Variants in CNTNAP2 observed in about 807,000 individuals in gnomAD.
The protein encoded by CNTNAP2 is contactin-associated protein-like 2.
Under a neutral mutation model 155.2 loss-of-function variants are expected in CNTNAP2, and 98 were observed. That is an observed-to-expected ratio of 0.63 (90% confidence interval 0.54 to 0.75). The LOEUF (loss-of-function observed/expected upper bound fraction) is 0.75. Ranked by LOEUF, CNTNAP2 falls within the 30% of genes least tolerant of loss-of-function variation. The pLI, the probability that CNTNAP2 is intolerant of heterozygous loss-of-function variation, is 0.00. For synonymous variants in CNTNAP2, 651 were observed against 631.2 expected (o/e 1.03, Z -0.47); for missense variants, 1,727 against 1,688.1 (o/e 1.02, Z -0.40).
chr7:148,347,669 C>CAT (rs1384420136), intron 21 of CNTNAP2, among the ~76,000 whole-genome samples: 2 of 152,174 alleles, frequency 1.3e-5, no homozygotes, highest in African/African-American at 4.8e-5. Context: ...TTACAAAACA[C>CAT]ATATCAGAAA....
chr7:147,616,507 A>G (rs757187823), intron 12 of CNTNAP2, among the ~76,000 whole-genome samples: 4 of 152,140 alleles, frequency 2.6e-5, no homozygotes, highest in Non-Finnish European at 4.4e-5. Context: ...TATTCTGGCA[A>G]AATAATCTGC....
intron 11 of CNTNAP2, chr7:147,496,928 A>G (rs553770689): frequency 6.6e-6 from 1 of 152,026 alleles, no homozygotes; most frequent in Non-Finnish European, 1.5e-5. Flanking sequence ...AAATATAAAG[A>G]TTGTTGTAAT....
At chr7:147,109,094 T>G (rs779086264) in intron 5 of CNTNAP2, among the ~76,000 whole-genome samples, 1 of 152,238 alleles carries the variant, frequency 6.6e-6, no homozygotes, top group Admixed American at 6.5e-5. Context: ...TTAAACTGTA[T>G]GGCTTTATCA....
At chr7:147,870,900 A>C (rs1401100414) in intron 13 of CNTNAP2, among the ~76,000 whole-genome samples, 1 of 152,038 alleles carries the variant, frequency 6.6e-6, no homozygotes, top group African/African-American at 2.4e-5. Context: ...GGATCCTTTC[A>C]GAGTCCCTCC....
intron 1 of CNTNAP2, among the ~76,000 whole-genome samples, chr7:146,759,740 G>A (rs917505244): frequency 1.4e-5 from 2 of 147,770 alleles, no homozygotes; most frequent in African/African-American, 5.0e-5. Flanking sequence ...GGGTGTGAGA[G>A]CAAGGTCCCT....
At chr7:146,507,068 A>C (rs1797394894) in intron 1 of CNTNAP2, among the ~76,000 whole-genome samples, 1 of 152,140 alleles carries the variant, frequency 6.6e-6, no homozygotes, top group Non-Finnish European at 1.5e-5. Context: ...TAGGAGCCCC[A>C]CTTTGCTAAG....
chr7:147,538,197 G>A (rs1406780278), intron 11 of CNTNAP2, among the ~76,000 whole-genome samples: 16 of 152,150 alleles, frequency 1.1e-4, no homozygotes, highest in Non-Finnish European at 2.4e-4. Flanking sequence ...AAAAAATCAA[G>A]CAATCTTTTA....
chr7:147,692,933 AT>A (rs1306475155), intron 13 of CNTNAP2, among the ~76,000 whole-genome samples: 2 of 151,884 alleles, frequency 1.3e-5, no homozygotes, highest in Admixed American at 6.6e-5. Flanking sequence ...GGTCGTCTAG[AT>A]TTTCTCCCTT....
chr7:147,907,398 C>T (rs1220020516), intron 14 of CNTNAP2, among the ~76,000 whole-genome samples: 2 of 152,126 alleles, frequency 1.3e-5, no homozygotes, highest in Admixed American at 6.5e-5. Flanking sequence ...ATGGTCTTCC[C>T]TTTTTAGCAC....
chr7:147,312,310 T>C lies in CNTNAP2; in HGVS notation c.1498+12020T>C, dbSNP rs868427134. On this transcript the variant is annotated intron_variant, in intron 9 of 23. Transcript: ENST00000361727. ...AGTTTTAGGGTACATGTGCACAATG[T>C]GCACGTTAGTTACATATGTATACAT... Among the ~76,000 whole-genome samples the C allele has an allele frequency of 2.3e-3, 355 of 152,074 alleles. 2 individuals are homozygous for C. The highest frequency in any genetic ancestry group is 8.1e-3 in the African/African-American group (336 of 41,486).
intron 1 of CNTNAP2, among the ~76,000 whole-genome samples, chr7:146,419,844 A>G (rs1331209599): frequency 6.6e-6 from 1 of 152,140 alleles, no homozygotes; most frequent in Admixed American, 6.6e-5. Context: ...ACTGAAGTCT[A>G]CATATTTTAT....
At chr7:148,056,848 G>A (rs750756239) in intron 15 of CNTNAP2, among the ~76,000 whole-genome samples, 1 of 152,116 alleles carries the variant, frequency 6.6e-6, no homozygotes, top group South Asian at 2.1e-4. Flanking sequence ...GTACTTGAAG[G>A]GCGATTTAAG....
In CNTNAP2 at chr7:146,439,086, G is replaced by A. The variant is rs550634826; in HGVS notation, c.97+322113G>A. On this transcript the variant is annotated intron_variant, in intron 1 of 23. Coordinates refer to ENST00000361727, the MANE Select transcript of CNTNAP2 (RefSeq NM_014141.6). ...TTATTTATTACTAAAAAAAAGTACC[G>A]CCACAGGTGGATGGAGTATCTTAAC... Among the ~76,000 whole-genome samples, 7 of 151,532 alleles carry A rather than the reference G, an allele frequency of 4.6e-5. 1 individual carries two copies. In the South Asian group the frequency reaches 1.0e-3, roughly 22 times the overall value.
At chr7:146,553,144 A>G (rs1420400208) in intron 1 of CNTNAP2, among the ~76,000 whole-genome samples, 1 of 152,088 alleles carries the variant, frequency 6.6e-6, no homozygotes, top group African/African-American at 2.4e-5. Flanking sequence ...TCAGTATCTG[A>G]TACATAATAG....
chr7:148,184,725 CTTATA>C (rs908439261), intron 18 of CNTNAP2, among the ~76,000 whole-genome samples: 20 of 152,182 alleles, frequency 1.3e-4, no homozygotes, highest in Non-Finnish European at 4.4e-5. Context: ...AAGAGGGAAT[CTTATA>C]TTATATAGAA....
chr7:147,901,007 C>A (rs1216116231), intron 13 of CNTNAP2, among the ~76,000 whole-genome samples: 1 of 152,022 alleles, frequency 6.6e-6, no homozygotes, highest in Non-Finnish European at 1.5e-5. Flanking sequence ...ATCTTCCTTC[C>A]CTGTGCCCTA....
At chr7:147,208,746 G>T (rs1254311002) in intron 8 of CNTNAP2, among the ~76,000 whole-genome samples, 6 of 151,656 alleles carry the variant, frequency 4.0e-5, no homozygotes, top group African/African-American at 1.5e-4. Context: ...ATTATGAAGG[G>T]CATAATCAAT....
chr7:147,704,713 C>T (rs1796284431), intron 13 of CNTNAP2: 1 of 152,018 alleles, frequency 6.6e-6, no homozygotes, highest in Admixed American at 6.6e-5. Flanking sequence ...CAGTTTTGGA[C>T]TTTGCTCTGT....
intron 14 of CNTNAP2, among the ~76,000 whole-genome samples, chr7:147,950,785 A>G (rs1215733161): frequency 6.6e-6 from 1 of 152,246 alleles, no homozygotes; most frequent in East Asian, 1.9e-4. Flanking sequence ...AGCAGGAGAT[A>G]AATCTCCAGG....
Sources: gnomAD v4.1 joint callset for allele counts (sites outside exome capture counted in the v4.1 genomes callset) on GRCh38, gnomAD v4.1.1 for gene constraint, MANE v1.5 for transcripts, NCBI Gene and HGNC (gene_info 2026-07-23, HGNC 2026-07-21) for gene names.